Variants in PAPLN observed in about 807,000 individuals in gnomAD.
The protein encoded by PAPLN is papilin.
In PAPLN, 146 loss-of-function variants were observed where a neutral mutation model predicts 159.0. That is an observed-to-expected ratio of 0.92 (90% CI 0.80 to 1.05). The LOEUF (loss-of-function observed/expected upper bound fraction) is 1.05, where lower values mean the gene tolerates loss of function less well. Among genes scored for constraint, PAPLN ranks in the 50% least tolerant of loss-of-function variants. PAPLN has a pLI of 0.00. For synonymous variants in PAPLN, 734 were observed against 702.9 expected, an observed-to-expected ratio of 1.04 and a Z score of -0.70; for missense variants, 1,720 against 1,743.9, an observed-to-expected ratio of 0.99 and a Z score of 0.24.
rs1885862068 is a variant in PAPLN, at chr14:73,255,950, T to C, written c.1627+932T>C. On this transcript the variant is annotated intron_variant, in intron 14 of 26. Coordinates refer to ENST00000644200, the MANE Select transcript of PAPLN (RefSeq NM_001365906.3). ...ACAGTGGGGTTAAAAAGAGCGACTT[T>C]CCAGACCGTGGTGGTCATGCAGCAC... 2.0e-5 allele frequency among the ~76,000 whole-genome samples: 3 copies of C among 152,186 alleles called. No homozygotes were observed. In the South Asian group the frequency reaches 6.2e-4, roughly 31 times the overall value.
At chr14:73,248,815 T>G (rs535890262) in intron 5 of PAPLN, among the ~76,000 whole-genome samples, 5 of 151,160 alleles carry the variant, frequency 3.3e-5, no homozygotes, top group Admixed American at 3.3e-4. Context: ...GAGTGAGATC[T>G]TGTCTCCAAA....
chr14:73,250,551 C>T (rs1465694587), intron 6 of PAPLN, among the ~76,000 whole-genome samples: 1 of 152,152 alleles, frequency 6.6e-6, no homozygotes, highest in African/African-American at 2.4e-5. Context: ...AAGGGGGCCT[C>T]ATTCCCAGGA....
At chr14:73,244,077 TGAG>T (rs2140185946) in intron 2 of PAPLN, 1 of 155,888 alleles carries the variant, frequency 6.4e-6, no homozygotes, top group South Asian at 1.9e-4. Flanking sequence ...ATCTCACTGA[TGAG>T]AACTAAGTGA....
At chr14:73,255,948 T>C (rs1885861643) in intron 14 of PAPLN, among the ~76,000 whole-genome samples, 2 of 152,190 alleles carry the variant, frequency 1.3e-5, no homozygotes, top group Non-Finnish European at 1.5e-5. Flanking sequence ...AAAGAGCGAC[T>C]TTCCAGACCG....
At chr14:73,253,057 G>A (rs1885479374) in intron 11 of PAPLN, 4 of 1,252,940 alleles carry the variant, frequency 3.2e-6, no homozygotes, top group African/African-American at 3.0e-5. Context: ...GTCCCTGTCT[G>A]TCTGAGCCAG....
At chr14:73,272,417 G>A in intron 26 of PAPLN, 78 bp from the exon 27 acceptor site, 2 of 1,338,486 alleles carry the variant, frequency 1.5e-6, no homozygotes, top group Non-Finnish European at 1.0e-6. Flanking sequence ...TCCTTTGAAG[G>A]AAATGAAATG....
At position 73,264,605 on chromosome 14, in the gene PAPLN, C is replaced by G. The variant is rs45574438; in HGVS notation, c.3004C>G (p.Leu1002Val). The G allele has an allele frequency of 5.5e-5, 88 of 1,599,360 alleles. No individual in the cohort carries two copies. Among genetic ancestry groups the G allele is most frequent in the Non-Finnish European group, 7.1e-5 (84 of 1,176,188 alleles). Residue 1002 changes from leucine (L) to valine (V), a missense_variant, in exon 22 of 27, where the codon CTG (leucine) becomes GTG (valine). Leu to Val is a conservative substitution (Grantham distance 32). Transcript: ENST00000644200. ...CATGACAGGGGGTGACATGGCCGTG[C>G]TGTCTGAGGCTGAGCTGAGCCGCTT... is the stretch of plus-strand genomic sequence containing the variant. ...LRIIGGDMAV[L>V]SEAELSRFPQ...
chr14:73,253,295 C>T (rs4346152), intron 11 of PAPLN: 107,668 of 1,300,280 alleles, frequency 0.083, 4,807 homozygotes, highest in East Asian at 0.13. Flanking sequence ...TTGGTGGCAG[C>T]GGGCCTCCTG....
chr14:73,262,252 G>A (rs1886665343), intron 18 of PAPLN, 98 bp from the exon 19 acceptor site: 1 of 1,210,828 alleles, frequency 8.3e-7, no homozygotes, highest in Non-Finnish European at 1.2e-6. Flanking sequence ...TTTATAAGTG[G>A]GGAAGGGCCT....
At chr14:73,247,661 T>TGC (rs1555360990) in intron 5 of PAPLN, among the ~76,000 whole-genome samples, 72 of 141,012 alleles carry the variant, frequency 5.1e-4, no homozygotes, top group African/African-American at 1.7e-3. Context: ...TGTGTGTGTG[T>TGC]GCGTGTGTGT....
intron 14 of PAPLN, 60 bp downstream of exon 14, chr14:73,255,078 C>G (rs553108877): frequency 6.4e-7 from 1 of 1,556,730 alleles, no homozygotes. Flanking sequence ...TCGCTACAAA[C>G]CCAGCAAGCA....
intron 17 of PAPLN, 98 bp from the exon 18 acceptor site, chr14:73,261,058 C>T: frequency 1.3e-6 from 2 of 1,591,256 alleles, no homozygotes; most frequent in Non-Finnish European, 1.7e-6. Flanking sequence ...GGCTGGGGTT[C>T]TGGCCCCTCC....
At chr14:73,270,178 C>T (rs1196528636) in intron 26 of PAPLN, among the ~76,000 whole-genome samples, 2 of 152,236 alleles carry the variant, frequency 1.3e-5, no homozygotes, top group African/African-American at 2.4e-5. Flanking sequence ...TCGCTCGGCC[C>T]ACCGTCTCGC....
chr14:73,259,913 T>C (rs567373504), intron 16 of PAPLN, among the ~76,000 whole-genome samples: 1 of 152,120 alleles, frequency 6.6e-6, no homozygotes, highest in African/African-American at 2.4e-5. Flanking sequence ...CTCACAATCT[T>C]CCTAACAGCC....
chr14:73,252,140 A>G lies in PAPLN; in HGVS notation c.966A>G (p.Gly322=), dbSNP rs1055092434. ...SWSDCSAECG[G]GHQSRLVFCT... is the part of the protein sequence containing the mutation. Reference sequence around the variant, plus strand: ...GTGACTGCAGCGCGGAGTGTGGCGGAGGTGCGGGCGTGGATGGCCCAGGGG... The same window carrying G: ...GTGACTGCAGCGCGGAGTGTGGCGGGGGTGCGGGCGTGGATGGCCCAGGGG... Residue 322 remains glycine, a splice_region_variant and synonymous_variant, in exon 10 of 27, where the codon GGA becomes GGG. Transcript: ENST00000644200. 7 of 1,599,022 alleles carry G rather than the reference A, an allele frequency of 4.4e-6. No homozygotes were observed. Among genetic ancestry groups the G allele is most frequent in the Middle Eastern group, 1.7e-4 (1 of 6,028 alleles).
chr14:73,255,986 C>T (rs1012002165), intron 14 of PAPLN, among the ~76,000 whole-genome samples: 1 of 152,162 alleles, frequency 6.6e-6, no homozygotes, highest in Non-Finnish European at 1.5e-5. Flanking sequence ...AACGCCTGAC[C>T]GCATGGGGTG....
At chr14:73,254,001 G>T (rs1372089598) in intron 12 of PAPLN, 40 bp downstream of exon 12, 1 of 1,572,214 alleles carries the variant, frequency 6.4e-7, no homozygotes, top group Non-Finnish European at 8.6e-7. Flanking sequence ...GCTGGACCTG[G>T]GTAGCAGCAG....
Position 73,266,674 on chromosome 14 carries a change from T to C in PAPLN, c.3391+46T>C, listed in dbSNP as rs753046958. On this transcript the variant is annotated intron_variant, in intron 24 of 26. Coordinates refer to ENST00000644200, the MANE Select transcript of PAPLN (RefSeq NM_001365906.3). ...GGCCTTTGAGGTCAGGTGGCATGGG[T>C]AGGGCAGGATCTTCATAGTGGCTGA... The C allele has an allele frequency of 4.6e-5, 75 of 1,613,902 alleles. No homozygotes were observed. In the Admixed American group the frequency reaches 1.2e-3, roughly 27 times the overall value.
Position 73,262,799 on chromosome 14 carries a change from G to T in PAPLN, c.2695G>T (p.Ala899Ser). The change falls in exon 19 of 27, where the codon GCG (alanine) becomes TCG (serine). Residue 899 changes from alanine to serine, a missense_variant. Transcript: ENST00000644200. ...ACTGGGTGGAGATGCCGGATCACCA[G>T]CGCCACCCTTCCACAGCTCCTCCTA... Reference protein sequence around the residue: ...PGLGGDAGSPAPPFHSSSYRI... With the variant: ...PGLGGDAGSPSPPFHSSSYRI... The T allele has an allele frequency of 6.7e-7, 1 of 1,495,714 alleles. No homozygotes were observed. The allele number at this position is 1,495,714 out of a possible 1,614,324, so 92.7% of individuals were successfully genotyped here. A position where few individuals can be genotyped will look rare whatever the true frequency, so the allele number is the denominator to read the frequency against.
Sources: gnomAD v4.1 joint callset for allele counts (sites outside exome capture counted in the v4.1 genomes callset) on GRCh38, gnomAD v4.1.1 for gene constraint, MANE v1.5 for transcripts, NCBI Gene and HGNC (gene_info 2026-07-23, HGNC 2026-07-21) for gene names.